TUBD1: variants seen among roughly 807,000 people sequenced by gnomAD.
TUBD1 encodes the protein tubulin delta 1.
Under a neutral mutation model 51.2 loss-of-function variants are expected in TUBD1, and 38 were observed. That is an observed-to-expected ratio of 0.74 (90% CI 0.57 to 0.97). The LOEUF (loss-of-function observed/expected upper bound fraction) is 0.97. TUBD1 is among the 50% of genes least tolerant of loss of function. The pLI is 0.00. For synonymous variants in TUBD1, 169 were observed against 178.2 expected (o/e 0.95, Z 0.41); for missense variants, 489 against 538.4 (o/e 0.91, Z 0.91).
Position 59,868,283 on chromosome 17 carries a change from C to CAAA in TUBD1, c.935-1537_935-1535dup, listed in dbSNP as rs11401623. Among the ~76,000 whole-genome samples the CAAA allele has an allele frequency of 3.5e-3, 172 of 49,068 alleles. 7 individuals are homozygous for CAAA. Among genetic ancestry groups the CAAA allele is most frequent in the African/African-American group, 0.012 (156 of 13,554 alleles). The allele number at this position is 49,068 out of a possible 152,430, so 32.2% of individuals were successfully genotyped here. A position where few individuals can be genotyped will look rare whatever the true frequency, so the allele number is the denominator to read the frequency against. On this transcript the variant is annotated intron_variant, in intron 6 of 8. Coordinates refer to ENST00000325752, the MANE Select transcript of TUBD1 (RefSeq NM_016261.4). The stretch of plus-strand genomic sequence containing the variant: ...TGGGCAACAGAGCAAGACTCCATGT[C>CAAA]AAAAAAAAAAAAAAAAAAAAAGGCA...
intron 4 of TUBD1, 55 bp downstream of exon 4, chr17:59,880,839 T>C (rs2040452116): frequency 6.6e-7 from 1 of 1,526,086 alleles, no homozygotes; most frequent in African/African-American, 1.4e-5. Context: ...TTACCCATAT[T>C]TATTTCTATT....
intron 4 of TUBD1, among the ~76,000 whole-genome samples, chr17:59,879,943 G>A (rs1163879085): frequency 6.6e-6 from 1 of 151,872 alleles, no homozygotes; most frequent in Admixed American, 6.6e-5. Context: ...AGCAGAGATG[G>A]TGTTTCTCCA....
intron 3 of TUBD1, among the ~76,000 whole-genome samples, chr17:59,883,678 A>G (rs1326624741): frequency 6.6e-6 from 1 of 152,120 alleles, no homozygotes; most frequent in African/African-American, 2.4e-5. Context: ...TTGGGATTAC[A>G]GGCGTGAGCC....
chr17:59,874,784 G>T, intron 5 of TUBD1, 81 bp from the exon 6 acceptor site: 1 of 1,164,742 alleles, frequency 8.6e-7, no homozygotes, highest in Non-Finnish European at 1.2e-6. Context: ...ATGATTTGAA[G>T]GTTTTCTGGG....
rs768995599 is a variant in TUBD1 at position 59,860,378 on chromosome 17, A to C, written c.1306T>G (p.Phe436Val). 5.0e-6 allele frequency: 8 copies of C among 1,613,370 alleles called. No homozygotes were observed. In the South Asian group the frequency reaches 8.8e-5, roughly 18 times the overall value. The change falls in exon 9 of 9, where the codon TTT becomes GTT. Residue 436 changes from phenylalanine to valine, a missense_variant. Phe to Val is a conservative substitution (Grantham distance 50). Coordinates refer to ENST00000325752, the MANE Select transcript of TUBD1 (RefSeq NM_016261.4). Reference sequence around the variant, plus strand: ...TCTAATGACGTGAAACTGTCTAAAAAGTCCTCTTCTTCGATTCCAAATTTT... The same window carrying C: ...TCTAATGACGTGAAACTGTCTAAAACGTCCTCTTCTTCGATTCCAAATTTT... ...YTKFGIEEED[F>V]LDSFTSLEQV...
chr17:59,874,512 G>A (rs1161197750), intron 6 of TUBD1, 27 bp downstream of exon 6: 3 of 1,602,170 alleles, frequency 1.9e-6, no homozygotes, highest in Non-Finnish European at 8.5e-7. Context: ...CAGCTTGTGG[G>A]CTGCATATTT....
At chr17:59,877,350 A>C (rs1328022655) in intron 5 of TUBD1, among the ~76,000 whole-genome samples, 1 of 152,194 alleles carries the variant, frequency 6.6e-6, no homozygotes, top group East Asian at 1.9e-4. Flanking sequence ...CCAATCACCA[A>C]ACACAATGCT....
intron 3 of TUBD1, among the ~76,000 whole-genome samples, chr17:59,883,814 A>G (rs2144553190): frequency 6.6e-6 from 1 of 152,276 alleles, no homozygotes; most frequent in Non-Finnish European, 1.5e-5. Context: ...TGGCCTCCCA[A>G]ATTGCTGGGA....
At chr17:59,876,298 C>T (rs2040219872) in intron 5 of TUBD1, among the ~76,000 whole-genome samples, 1 of 151,688 alleles carries the variant, frequency 6.6e-6, no homozygotes, top group African/African-American at 2.4e-5. Context: ...CCCACTTCAG[C>T]TTCCCTAGTA....
chr17:59,886,281 T>C, intron 2 of TUBD1, 51 bp from the exon 3 acceptor site: 2 of 1,548,832 alleles, frequency 1.3e-6, no homozygotes, highest in South Asian at 1.2e-5. Context: ...AGATTTATTA[T>C]GTCTTATTTG....
intron 2 of TUBD1, among the ~76,000 whole-genome samples, chr17:59,890,251 T>C (rs572627989): frequency 6.6e-6 from 1 of 152,268 alleles, no homozygotes; most frequent in African/African-American, 2.4e-5. Flanking sequence ...CAGGGTCCTT[T>C]TATTTTTTTT....
At position 59,886,182 on chromosome 17, in the gene TUBD1, T is replaced by TTGATAAC; in HGVS notation, c.214_220dup (p.Asn74SerfsTer45). The stretch of plus-strand genomic sequence containing the variant: ...CTGGGCAGCCTTTGACAGCATTTGA[T>TTGATAAC]TGATAACTTTGGGTTCCATGTCAAC... On this transcript the variant is annotated frameshift_variant, in exon 3 of 9. Coordinates refer to ENST00000325752, the MANE Select transcript of TUBD1 (RefSeq NM_016261.4). LOFTEE classifies it high-confidence loss of function. 1 of 1,613,948 alleles carries TTGATAAC rather than the reference T, an allele frequency of 6.2e-7. No individual in the cohort carries two copies. The highest frequency in any genetic ancestry group is 8.5e-7 in the Non-Finnish European group (1 of 1,179,962).
Position 59,891,294 on chromosome 17 carries a change from C to T in TUBD1, c.-39-253G>A, listed in dbSNP as rs144094111. On this transcript the variant is annotated intron_variant, in intron 1 of 8. Transcript: ENST00000325752. ...TACAGGCACGTGCCACCACGCCTGG[C>T]TAATTTTTGTATTCTTAGTAGAGAT... is the stretch of plus-strand genomic sequence containing the variant. Among the ~76,000 whole-genome samples, 192 of 152,150 alleles carry T rather than the reference C, an allele frequency of 1.3e-3. 1 individual carries two copies. The highest frequency in any genetic ancestry group is 8.1e-3 in the East Asian group (42 of 5,166).
Position 59,891,035 on chromosome 17 carries a change from AAAC to A in TUBD1, c.-36_-34del. 2.5e-6 allele frequency: 4 copies of A among 1,569,856 alleles called. No homozygotes were observed. The highest frequency in any genetic ancestry group is 3.5e-6 in the Non-Finnish European group (4 of 1,157,880). ...CACAAACTAGGTGTATTACCTCTAA[AAAC>A]AACCTGTAATCGAAAAAAATACGCT... On this transcript the variant is annotated 5_prime_UTR_variant, in exon 2 of 9. Transcript: ENST00000325752.
intron 6 of TUBD1, among the ~76,000 whole-genome samples, chr17:59,872,242 C>CT (rs1403767407): frequency 1.3e-5 from 2 of 152,090 alleles, no homozygotes; most frequent in Non-Finnish European, 2.9e-5. Flanking sequence ...GTGAGCCACC[C>CT]TGCCGGGCCA....
At chr17:59,863,587 A>C in intron 8 of TUBD1, 77 bp downstream of exon 8, 1 of 1,272,722 alleles carries the variant, frequency 7.9e-7, no homozygotes, top group Non-Finnish European at 1.0e-6. Flanking sequence ...ACTGCACTCC[A>C]GCCTGGGCAA....
chr17:59,890,895 CAT>C lies in TUBD1; in HGVS notation c.106_107del (p.Met36GlufsTer4). ...ATGCTTGATATGCCTCATTCTCTCTCATAGAGCAGAGTCCCTGGGAACTGTGT... is the reference window on the plus strand; with the variant it reads ...ATGCTTGATATGCCTCATTCTCTCTCAGAGCAGAGTCCCTGGGAACTGTGT... ...DSHSSQGLCS[M>X]RENEAYQASC... On this transcript the variant is annotated frameshift_variant, in exon 2 of 9. Transcript: ENST00000325752. LOFTEE classifies it high-confidence loss of function. 1 of 1,613,870 alleles carries C rather than the reference CAT, an allele frequency of 6.2e-7. No individual in the cohort carries two copies. The highest frequency in any genetic ancestry group is 1.1e-5 in the South Asian group (1 of 91,040).
chr17:59,873,170 T>C (rs928357817), intron 6 of TUBD1, among the ~76,000 whole-genome samples: 2 of 152,170 alleles, frequency 1.3e-5, no homozygotes, highest in Non-Finnish European at 2.9e-5. Flanking sequence ...GAAAGTAGTT[T>C]CATCTGTGTA....
chr17:59,870,758 G>T (rs1053730445), intron 6 of TUBD1, among the ~76,000 whole-genome samples: 4 of 152,160 alleles, frequency 2.6e-5, no homozygotes, highest in African/African-American at 9.6e-5. Flanking sequence ...ATGATATTTG[G>T]AAGTCCAGCA....
Sources: gnomAD v4.1 joint callset for allele counts (sites outside exome capture counted in the v4.1 genomes callset) on GRCh38, gnomAD v4.1.1 for gene constraint, MANE v1.5 for transcripts, NCBI Gene and HGNC (gene_info 2026-07-23, HGNC 2026-07-21) for gene names.